The following SLC38A11 variants were observed in gnomAD, a reference collection of about 807,000 sequenced individuals.
SLC38A11 encodes the protein putative sodium-coupled neutral amino acid transporter 11.
Under a neutral mutation model 49.4 loss-of-function variants are expected in SLC38A11, and 51 were observed. That is an observed-to-expected ratio of 1.03 (90% confidence interval 0.83 to 1.30). The LOEUF (loss-of-function observed/expected upper bound fraction) is 1.30. Ranked by LOEUF, SLC38A11 falls within the 50% of genes most tolerant of loss-of-function variation. SLC38A11 has a pLI of 0.00. For synonymous variants in SLC38A11, 203 were observed against 192.9 expected (o/e 1.05, Z -0.43); for missense variants, 574 against 556.2 (o/e 1.03, Z -0.32).
chr2:164,951,721 G>C (rs962517842), intron 3 of SLC38A11, among the ~76,000 whole-genome samples: 33 of 152,146 alleles, frequency 2.2e-4, no homozygotes, highest in Non-Finnish European at 4.1e-4. Flanking sequence ...TCTTGGGCAA[G>C]GGGTCTGTGG....
chr2:164,926,830 A>C (rs957968327), intron 7 of SLC38A11, among the ~76,000 whole-genome samples: 1 of 131,084 alleles, frequency 7.6e-6, no homozygotes, highest in African/African-American at 2.9e-5. Context: ...ACTTGGACAC[A>C]GGGTGGTGAA....
Position 164,937,425 on chromosome 2 carries a change from G to T in SLC38A11, c.542C>A (p.Ser181Tyr). 6.2e-7 allele frequency: 1 copy of T among 1,602,194 alleles called. No individual in the cohort carries two copies. The highest frequency in any genetic ancestry group is 1.1e-5 in the South Asian group (1 of 90,444). Residue 181 changes from serine to tyrosine, a missense_variant, in exon 7 of 12, where the codon TCC becomes TAC. By Grantham distance (144) the Ser-to-Tyr change is moderately radical. Transcript: ENST00000685975. ...YRNIAKLGKV[S>Y]LISTGLTTLI... Reference sequence around the variant, plus strand: ...AGTTGTTAAACCTGTAGAGATGAGGGAGACCTGTAAAAGAAAATACAAGGA... The same window carrying T: ...AGTTGTTAAACCTGTAGAGATGAGGTAGACCTGTAAAAGAAAATACAAGGA...
chr2:164,919,794 T>A (rs1444703833), intron 7 of SLC38A11, among the ~76,000 whole-genome samples: 1 of 152,218 alleles, frequency 6.6e-6, no homozygotes, highest in Non-Finnish European at 1.5e-5. Flanking sequence ...TTAATTTTTT[T>A]CCAATATTTC....
intron 6 of SLC38A11, 122 bp from the exon 7 acceptor site, chr2:164,937,551 A>C: frequency 1.6e-6 from 1 of 635,894 alleles, no homozygotes; most frequent in Non-Finnish European, 2.7e-6. Flanking sequence ...CTAATTCTTT[A>C]GTAGGTTATT....
chr2:164,947,057 C>T (rs1355522137), intron 3 of SLC38A11, among the ~76,000 whole-genome samples: 1 of 146,380 alleles, frequency 6.8e-6, no homozygotes, highest in East Asian at 2.1e-4. Flanking sequence ...CATTTATACT[C>T]AATTTTTCAC....
At chr2:164,950,306 G>T (rs1245496328) in intron 3 of SLC38A11, among the ~76,000 whole-genome samples, 2 of 152,136 alleles carry the variant, frequency 1.3e-5, no homozygotes, top group African/African-American at 4.8e-5. Context: ...GTCACAGAGA[G>T]GAGGCAACCA....
rs1358698987 is a variant in SLC38A11 at position 164,955,294 on chromosome 2, C to T, written c.-47G>A. 1.0e-5 allele frequency: 16 copies of T among 1,532,104 alleles called. No homozygotes were observed. The highest frequency in any genetic ancestry group is 1.2e-5 in the Non-Finnish European group (14 of 1,130,440). 94.9% of individuals were successfully genotyped at this position (1,532,104 alleles called of 1,614,324 possible). A position where few individuals can be genotyped will look rare whatever the true frequency, so the allele number is the denominator to read the frequency against. On this transcript the variant is annotated 5_prime_UTR_variant, in exon 1 of 12. Transcript: ENST00000685975. ...AGGTGGAAGATGCTGGGGCTGGGTA[C>T]GGATTCGCACCCGGCCAGCCTCCTC...
At chr2:164,954,176 A>T (rs1296301906) in intron 2 of SLC38A11, among the ~76,000 whole-genome samples, 1 of 152,218 alleles carries the variant, frequency 6.6e-6, no homozygotes, top group African/African-American at 2.4e-5. Flanking sequence ...TTAATTTTTC[A>T]TAAGATTGGT....
chr2:164,949,521 G>A (rs1197441149), intron 3 of SLC38A11, among the ~76,000 whole-genome samples: 1 of 152,216 alleles, frequency 6.6e-6, no homozygotes, highest in Non-Finnish European at 1.5e-5. Flanking sequence ...GCCTCTCAAA[G>A]TGCTGGGATT....
Position 164,894,438 on chromosome 2 carries a change from C to A in SLC38A11, c.*3999G>T, listed in dbSNP as rs142321437. Among the ~76,000 whole-genome samples, 1 of 152,280 alleles carries A rather than the reference C, an allele frequency of 6.6e-6. No individual in the cohort carries two copies. The highest frequency in any genetic ancestry group is 1.5e-5 in the Non-Finnish European group (1 of 68,028). Reference sequence around the variant, plus strand: ...TTAACAAAAGACAACCATGTAAATTCTTTATCTGAATGACATTATCATTCA... The same window carrying A: ...TTAACAAAAGACAACCATGTAAATTATTTATCTGAATGACATTATCATTCA... On this transcript the variant is annotated 3_prime_UTR_variant, in exon 12 of 12. Transcript: ENST00000685975.
At chr2:164,946,997 T>C in intron 3 of SLC38A11, among the ~76,000 whole-genome samples, 1 of 152,124 alleles carries the variant, frequency 6.6e-6, no homozygotes. Context: ...CCATTCTCCT[T>C]TGGCCTTTGT....
chr2:164,916,818 G>A (rs1380247358), intron 7 of SLC38A11, among the ~76,000 whole-genome samples: 1 of 152,112 alleles, frequency 6.6e-6, no homozygotes, highest in Non-Finnish European at 1.5e-5. Flanking sequence ...CATGAATAAT[G>A]ATGAACAGCA....
At chr2:164,927,333 G>C (rs1418766737) in intron 7 of SLC38A11, among the ~76,000 whole-genome samples, 1 of 152,082 alleles carries the variant, frequency 6.6e-6, no homozygotes, top group Non-Finnish European at 1.5e-5. Flanking sequence ...CCAGTCTGTG[G>C]TATTTTGTTA....
At chr2:164,915,028 G>A (rs989970005) in intron 9 of SLC38A11, 84 bp downstream of exon 9, 1 of 1,233,946 alleles carries the variant, frequency 8.1e-7, no homozygotes, top group African/African-American at 1.5e-5. Flanking sequence ...AGAACACTGG[G>A]CATACCTGTA....
chr2:164,939,073 ATTAAAG>A (rs1271906097), intron 6 of SLC38A11, among the ~76,000 whole-genome samples: 6 of 152,158 alleles, frequency 3.9e-5, no homozygotes, highest in Admixed American at 3.3e-4. Flanking sequence ...ATTTTAAGAC[ATTAAAG>A]TTATTCATTG....
At chr2:164,946,880 T>G (rs12692752) in intron 3 of SLC38A11, among the ~76,000 whole-genome samples, 27,222 of 152,036 alleles carry the variant, frequency 0.18, 2,683 homozygotes, top group East Asian at 0.37. Flanking sequence ...ATCATCAATG[T>G]TCTCCAAGTT....
intron 11 of SLC38A11, among the ~76,000 whole-genome samples, chr2:164,908,269 T>C (rs1034430800): frequency 2.0e-5 from 3 of 152,166 alleles, no homozygotes; most frequent in African/African-American, 7.2e-5. Flanking sequence ...GTAAATGAGA[T>C]ATGCAAAAGT....
intron 7 of SLC38A11, among the ~76,000 whole-genome samples, chr2:164,936,461 T>A (rs904327014): frequency 6.6e-6 from 1 of 152,216 alleles, no homozygotes; most frequent in South Asian, 2.1e-4. Flanking sequence ...TTCTTACAGA[T>A]GCCATTCATT....
intron 7 of SLC38A11, among the ~76,000 whole-genome samples, chr2:164,933,029 G>C (rs1262293621): frequency 6.6e-6 from 1 of 151,816 alleles, no homozygotes; most frequent in Non-Finnish European, 1.5e-5. Context: ...CAGAATTCAG[G>C]GTTTGAATGT....
Sources: gnomAD v4.1 joint callset for allele counts (sites outside exome capture counted in the v4.1 genomes callset) on GRCh38, gnomAD v4.1.1 for gene constraint, MANE v1.5 for transcripts, NCBI Gene and HGNC (gene_info 2026-07-23, HGNC 2026-07-21) for gene names.